Variants in EML1 observed in about 807,000 individuals in gnomAD.
The protein encoded by EML1 is EMAP like 1, also known as echinoderm microtubule-associated protein-like 1.
In EML1, 27 loss-of-function variants were observed where a neutral mutation model predicts 110.4. The ratio of observed to expected loss-of-function variants is 0.24; its 90% CI spans 0.18 to 0.34. The LOEUF is 0.34. EML1 is among the 10% of genes least tolerant of loss of function. The pLI, the probability that EML1 is intolerant of heterozygous loss-of-function variation, is 1.00. For missense variants in EML1, 741 were observed against 1,030.9 expected, an observed-to-expected ratio of 0.72 and a Z score of 3.85; for synonymous variants, 344 against 385.8, an observed-to-expected ratio of 0.89 and a Z score of 1.27.
At chr14:99,833,479 T>C (rs2058493406) in intron 1 of EML1, among the ~76,000 whole-genome samples, 1 of 152,236 alleles carries the variant, frequency 6.6e-6, no homozygotes, top group Non-Finnish European at 1.5e-5. Flanking sequence ...CACATTTCCA[T>C]GTGCATTTTG....
intron 1 of EML1, among the ~76,000 whole-genome samples, chr14:99,780,229 T>C (rs569038099): frequency 1.3e-5 from 2 of 152,226 alleles, no homozygotes; most frequent in African/African-American, 2.4e-5. Flanking sequence ...TACAGTCACA[T>C]TGGGGGTTGG....
chr14:99,757,327 C>T (rs1177522911), intron 1 of EML1, among the ~76,000 whole-genome samples: 3 of 147,670 alleles, frequency 2.0e-5, no homozygotes, highest in East Asian at 2.0e-4. Context: ...CGACAGAGCA[C>T]GACTCCATTT....
At chr14:99,850,279 A>T in intron 1 of EML1, 2 of 1,288,490 alleles carry the variant, frequency 1.6e-6, no homozygotes, top group South Asian at 2.5e-5. Flanking sequence ...GAGGCGAAGA[A>T]GATCACGGAG....
In EML1 at chr14:99,827,084, C is replaced by T. The variant is rs1238089875; in HGVS notation, c.68-23769C>T. Among the ~76,000 whole-genome samples, 1 of 152,106 alleles carries T rather than the reference C, an allele frequency of 6.6e-6. No homozygotes were observed. Among genetic ancestry groups the T allele is most frequent in the African/African-American group, 2.4e-5 (1 of 41,392 alleles). On this transcript the variant is annotated intron_variant, in intron 1 of 21. Transcript: ENST00000262233. This position sits in a 1 kb window ranked among gnomAD's most constrained non-coding sequence, Gnocchi z 4.4. ...GGGAGCCAGTCACTGACTGTAAATACGCTGGGGGGTATTTACATGTAGAGG... is the reference window on the plus strand; with the variant it reads ...GGGAGCCAGTCACTGACTGTAAATATGCTGGGGGGTATTTACATGTAGAGG...
At chr14:99,786,226 T>C (rs1265267593) in intron 1 of EML1, among the ~76,000 whole-genome samples, 1 of 152,138 alleles carries the variant, frequency 6.6e-6, no homozygotes, top group Non-Finnish European at 1.5e-5. Flanking sequence ...AAGGATCTGG[T>C]TGGGTGGAAT....
intron 1 of EML1, among the ~76,000 whole-genome samples, chr14:99,762,511 A>G (rs1053438607): frequency 2.0e-5 from 3 of 152,170 alleles, no homozygotes; most frequent in Admixed American, 2.0e-4. Flanking sequence ...GTTGATAAAG[A>G]TATCGACTGG....
Position 99,850,969 on chromosome 14 carries a change from G to A in EML1, c.184G>A (p.Val62Met), listed in dbSNP as rs762605264. 26 of 1,614,054 alleles carry A rather than the reference G, an allele frequency of 1.6e-5. No homozygotes were observed. The highest frequency in any genetic ancestry group is 2.1e-5 in the Non-Finnish European group (25 of 1,180,050). ...IQLLKSALAD[V>M]VRRLNITEEQ... ...GCTGCTCAAATCAGCTCTAGCTGAT[G>A]TGGTTCGGCGGCTGAACATTACTGA... Residue 62 changes from valine to methionine, a missense_variant, in exon 2 of 22, where the codon GTG becomes ATG. Val to Met is a conservative substitution (Grantham distance 21, BLOSUM62 1). This residue lies in a region of EML1 where 226 missense variants were observed against 255.6 expected (regional missense o/e 0.88). Coordinates refer to ENST00000262233, the MANE Select transcript of EML1 (RefSeq NM_004434.3).
At chr14:99,850,090 T>C (rs938086051) in intron 1 of EML1, 13 of 362,714 alleles carry the variant, frequency 3.6e-5, no homozygotes, top group Middle Eastern at 1.7e-3. Context: ...CCACCACACC[T>C]GGCTAATTTT....
intron 1 of EML1, among the ~76,000 whole-genome samples, chr14:99,838,815 G>A (rs1004816094): frequency 2.0e-5 from 3 of 152,128 alleles, no homozygotes; most frequent in African/African-American, 7.2e-5. Flanking sequence ...AAACTGTAAA[G>A]TGGAGTGGGG....
rs556873969 is a variant in EML1 at position 99,739,181 on chromosome 14, G to A, written c.28+1321G>A. 4.0e-5 allele frequency among the ~76,000 whole-genome samples: 6 copies of A among 149,108 alleles called. No individual in the cohort carries two copies. In the South Asian group the frequency reaches 1.3e-3, roughly 32 times the overall value. ...TGGGGAGGGGTACATTGACAGAAGGGGCCTGACCTCACCCTCTTCCACTGG... is the reference window on the plus strand; with the variant it reads ...TGGGGAGGGGTACATTGACAGAAGGAGCCTGACCTCACCCTCTTCCACTGG... On this transcript the variant is annotated intron_variant, in intron 1 of 10. Transcript: ENST00000554479.
Position 99,936,138 on chromosome 14 carries a change from C to T in EML1, c.2007+12C>T. The stretch of plus-strand genomic sequence containing the variant: ...TGGGCAAGTGCTCGGTAAGCGCTGA[C>T]AGTGGACCTGTCGCTTCTCATGCAC... On this transcript the variant is annotated intron_variant, in intron 18 of 21. Transcript: ENST00000262233. The surrounding 1 kb of genome is among the most constrained non-coding windows in gnomAD (Gnocchi z 5.5). The T allele has an allele frequency of 6.2e-7, 1 of 1,614,068 alleles. No individual in the cohort carries two copies. The highest frequency in any genetic ancestry group is 8.5e-7 in the Non-Finnish European group (1 of 1,179,948).
chr14:99,819,104 C>T (rs2058218604), intron 1 of EML1, among the ~76,000 whole-genome samples: 1 of 151,932 alleles, frequency 6.6e-6, no homozygotes, highest in South Asian at 2.1e-4. Flanking sequence ...CATGCACCAC[C>T]CTGCTTGGCT....
intron 1 of EML1, among the ~76,000 whole-genome samples, chr14:99,831,115 G>C (rs1468187880): frequency 1.3e-5 from 2 of 152,136 alleles, no homozygotes; most frequent in Non-Finnish European, 2.9e-5. Flanking sequence ...TTAAAAATTA[G>C]AGAACTAGAT....
At chr14:99,757,777 C>G (rs1215451854) in intron 1 of EML1, among the ~76,000 whole-genome samples, 1 of 152,090 alleles carries the variant, frequency 6.6e-6, no homozygotes, top group Non-Finnish European at 1.5e-5. Flanking sequence ...TTTAATGCTC[C>G]CAATGCCATG....
At chr14:99,850,481 C>G (rs2058777630) in intron 1 of EML1, 1 of 631,968 alleles carries the variant, frequency 1.6e-6, no homozygotes, top group Admixed American at 2.9e-5. Context: ...GCTAGAAGAC[C>G]ATGCAGACTG....
At chr14:99,932,553 C>T (rs532648646) in intron 17 of EML1, among the ~76,000 whole-genome samples, 9 of 151,398 alleles carry the variant, frequency 5.9e-5, no homozygotes, top group African/African-American at 1.7e-4. Flanking sequence ...GCAGGAGAAT[C>T]GCTTGAACTC....
At chr14:99,797,161 T>TATA (rs753559915) in intron 1 of EML1, among the ~76,000 whole-genome samples, 4 of 152,184 alleles carry the variant, frequency 2.6e-5, no homozygotes, top group Non-Finnish European at 5.9e-5. Context: ...TTTCTGTCTT[T>TATA]ATAGATTCTG....
chr14:99,781,776 G>T lies in EML1; in HGVS notation c.-27+7763G>T, dbSNP rs1394115827. Among the ~76,000 whole-genome samples the T allele has an allele frequency of 2.0e-5, 3 of 152,096 alleles. No individual in the cohort carries two copies. Among genetic ancestry groups the T allele is most frequent in the Non-Finnish European group, 4.4e-5 (3 of 68,020 alleles). On this transcript the variant is annotated intron_variant, in intron 1 of 22. Transcript: ENST00000327921. This position sits in a 1 kb window ranked among gnomAD's most constrained non-coding sequence, Gnocchi z 4.2. Reference sequence around the variant, plus strand: ...CCCCTCTTTGACATTAACAGAGCTGGATGTCTCATCAGTTTCCAGACATAC... The same window carrying T: ...CCCCTCTTTGACATTAACAGAGCTGTATGTCTCATCAGTTTCCAGACATAC...
intron 1 of EML1, among the ~76,000 whole-genome samples, chr14:99,817,500 G>A (rs985719697): frequency 6.6e-6 from 1 of 152,202 alleles, no homozygotes; most frequent in Non-Finnish European, 1.5e-5. Flanking sequence ...CCCAGGTGCC[G>A]CCACCATGGC....
Sources: gnomAD v4.1 joint callset for allele counts (sites outside exome capture counted in the v4.1 genomes callset) on GRCh38, gnomAD v4.1.1 for gene constraint, gnomAD v4.1.1 regional missense constraint, Gnocchi (gnomAD v3.1) non-coding constraint, MANE v1.5 for transcripts, NCBI Gene and HGNC (gene_info 2026-07-23, HGNC 2026-07-21) for gene names.